Variants in ZNF236 observed in about 807,000 individuals in gnomAD.
ZNF236 encodes zinc finger protein 236, also known as regulated by glucose.
Under a neutral mutation model 191.2 loss-of-function variants are expected in ZNF236, and 50 were observed. The observed-to-expected ratio is 0.26, with a 90% CI of 0.21 to 0.33. The LOEUF (loss-of-function observed/expected upper bound fraction) is 0.33. Ranked by LOEUF, ZNF236 falls within the 10% of genes least tolerant of loss-of-function variation. ZNF236 has a pLI of 1.00. For missense variants in ZNF236, 1,754 were observed against 2,374.5 expected, an observed-to-expected ratio of 0.74 and a Z score of 5.43; for synonymous variants, 907 against 928.8, an observed-to-expected ratio of 0.98 and a Z score of 0.43.
chr18:76,952,069 G>T (rs1178642475), intron 27 of ZNF236, among the ~76,000 whole-genome samples: 1 of 152,132 alleles, frequency 6.6e-6, no homozygotes, highest in Non-Finnish European at 1.5e-5. Flanking sequence ...TAATAGATAC[G>T]CTGTAATGAA....
At chr18:76,965,028 G>T (rs964775815) in intron 30 of ZNF236, among the ~76,000 whole-genome samples, 1 of 152,116 alleles carries the variant, frequency 6.6e-6, no homozygotes, top group Admixed American at 6.5e-5. Flanking sequence ...TTATTCTTAG[G>T]TTTGGTCGTT....
intron 21 of ZNF236, among the ~76,000 whole-genome samples, chr18:76,923,984 T>C (rs950303374): frequency 6.6e-6 from 1 of 152,184 alleles, no homozygotes; most frequent in African/African-American, 2.4e-5. Flanking sequence ...CTAATTTACA[T>C]TCTTCATTGT....
At chr18:76,848,750 G>A (rs1367804567) in intron 1 of ZNF236, among the ~76,000 whole-genome samples, 3 of 152,072 alleles carry the variant, frequency 2.0e-5, no homozygotes, top group South Asian at 2.1e-4. Flanking sequence ...ACTACGCCCC[G>A]AAACTCTTGG....
intron 1 of ZNF236, chr18:76,824,426 G>C (rs1443630585): frequency 1.3e-6 from 1 of 781,064 alleles, no homozygotes; most frequent in African/African-American, 1.7e-5. Flanking sequence ...TTTGTAGTTG[G>C]ATAACAGCAG....
chr18:76,877,121 T>C (rs965967125), intron 6 of ZNF236, among the ~76,000 whole-genome samples: 11 of 152,224 alleles, frequency 7.2e-5, no homozygotes, highest in African/African-American at 1.9e-4. Flanking sequence ...GTTTTAGTAA[T>C]AGAGAAAGAA....
intron 3 of ZNF236, among the ~76,000 whole-genome samples, chr18:76,859,764 A>G (rs1046368595): frequency 4.6e-5 from 7 of 152,158 alleles, no homozygotes; most frequent in Non-Finnish European, 7.4e-5. Context: ...TAAGCTTGTT[A>G]TGGTGCACTG....
At chr18:76,920,897 A>G (rs1967514198) in intron 20 of ZNF236, among the ~76,000 whole-genome samples, 1 of 152,234 alleles carries the variant, frequency 6.6e-6, no homozygotes, top group Non-Finnish European at 1.5e-5. Flanking sequence ...TTCTGGAGAA[A>G]GGAAGACCAA....
chr18:76,879,916 A>T (rs1452147465), intron 7 of ZNF236, among the ~76,000 whole-genome samples, 197 bp from the exon 8 acceptor site: 1 of 152,156 alleles, frequency 6.6e-6, no homozygotes, highest in African/African-American at 2.4e-5. Flanking sequence ...CATTAGAACA[A>T]TGTATTGAGT....
Position 76,907,394 on chromosome 18 carries a change from C to T in ZNF236, c.2298-926C>T, listed in dbSNP as rs187105960. 1.9e-3 allele frequency among the ~76,000 whole-genome samples: 284 copies of T among 152,330 alleles called. 3 individuals are homozygous for T. The highest frequency in any genetic ancestry group is 6.5e-3 in the African/African-American group (272 of 41,590). On this transcript the variant is annotated intron_variant, in intron 13 of 30. Transcript: ENST00000320610. The stretch of plus-strand genomic sequence containing the variant: ...TTTGAGACGGAGTCTCGCTCTGTTG[C>T]CCAGGCTGGAGTGCCGTGGTGCAAT...
At chr18:76,876,602 C>A (rs1372137915) in intron 6 of ZNF236, among the ~76,000 whole-genome samples, 2 of 152,172 alleles carry the variant, frequency 1.3e-5, no homozygotes, top group African/African-American at 4.8e-5. Flanking sequence ...ATTCACAGTT[C>A]CATGTTCAAT....
At chr18:76,830,661 C>T (rs1975146471) in intron 1 of ZNF236, among the ~76,000 whole-genome samples, 1 of 152,090 alleles carries the variant, frequency 6.6e-6, no homozygotes, top group Non-Finnish European at 1.5e-5. Flanking sequence ...CAAAAAAAGT[C>T]TCATAATGTT....
chr18:76,875,056 G>A lies in ZNF236; in HGVS notation c.668-436G>A, dbSNP rs1976676411. ...GGCCAGGGTGGAAGCAGTGAGTCAA[G>A]CTGGGGGTGGTTTCAGGAGCTTTGA... On this transcript the variant is annotated intron_variant, in intron 5 of 30. Coordinates refer to ENST00000320610, the MANE Select transcript of ZNF236 (RefSeq NM_001306089.2). This position sits in a 1 kb window ranked among gnomAD's most constrained non-coding sequence, Gnocchi z 4.3. Among the ~76,000 whole-genome samples, 1 of 152,206 alleles carries A rather than the reference G, an allele frequency of 6.6e-6. No individual in the cohort carries two copies. The highest frequency in any genetic ancestry group is 1.5e-5 in the Non-Finnish European group (1 of 68,032).
At chr18:76,890,123 C>G (rs1977183985) in intron 9 of ZNF236, among the ~76,000 whole-genome samples, 1 of 152,144 alleles carries the variant, frequency 6.6e-6, no homozygotes, top group Admixed American at 6.5e-5. Context: ...TAATTTCAGT[C>G]TTAGTGGAAA....
At chr18:76,837,259 G>C (rs1422360193) in intron 1 of ZNF236, among the ~76,000 whole-genome samples, 1 of 151,650 alleles carries the variant, frequency 6.6e-6, no homozygotes, top group African/African-American at 2.4e-5. Context: ...GTTATTTGTA[G>C]CTTTTCGTGT....
intron 1 of ZNF236, among the ~76,000 whole-genome samples, chr18:76,841,682 GTTTTTTTTTTTCT>G (rs1975509861): frequency 2.2e-5 from 3 of 137,094 alleles, no homozygotes; most frequent in Non-Finnish European, 3.2e-5. Flanking sequence ...TAGCAACTGG[GTTTTTTTTTTTCT>G]TTTTTTTTTT....
chr18:76,901,749 ACT>A (rs1431520481), intron 11 of ZNF236, among the ~76,000 whole-genome samples: 1 of 151,882 alleles, frequency 6.6e-6, no homozygotes, highest in African/African-American at 2.4e-5. Flanking sequence ...CAACAGTGAA[ACT>A]CTGTCTCAAA....
intron 19 of ZNF236, among the ~76,000 whole-genome samples, chr18:76,918,239 A>C (rs918568427): frequency 1.3e-5 from 2 of 152,076 alleles, no homozygotes; most frequent in African/African-American, 4.8e-5. Flanking sequence ...ATACTTATGC[A>C]TATAGTTCTC....
At chr18:76,916,769 C>T (rs539380049) in intron 19 of ZNF236, among the ~76,000 whole-genome samples, 4 of 152,272 alleles carry the variant, frequency 2.6e-5, no homozygotes, top group East Asian at 3.9e-4. Flanking sequence ...GCCTGTGCCG[C>T]GGCCATCCTG....
At chr18:76,917,007 G>C (rs763285687) in intron 19 of ZNF236, among the ~76,000 whole-genome samples, 2 of 152,186 alleles carry the variant, frequency 1.3e-5, no homozygotes, top group Non-Finnish European at 2.9e-5. Flanking sequence ...TTTCTCTGCT[G>C]TTTTGAGGAA....
Sources: allele counts gnomAD v4.1 joint callset (sites outside exome capture counted in the v4.1 genomes callset), GRCh38; gene constraint gnomAD v4.1.1; non-coding constraint Gnocchi (gnomAD v3.1); transcripts MANE v1.5; gene names NCBI Gene and HGNC (gene_info 2026-07-23, HGNC 2026-07-21).